The following SH3RF2 variants were observed in gnomAD, a reference collection of about 807,000 sequenced individuals.
SH3RF2 encodes E3 ubiquitin-protein ligase SH3RF2.
A neutral mutation model predicts 59.0 loss-of-function variants in SH3RF2; 43 were observed. The observed-to-expected ratio is 0.73, with a 90% CI of 0.57 to 0.94. SH3RF2 has a LOEUF of 0.94. SH3RF2 is among the 40% of genes least tolerant of loss of function. SH3RF2 has a pLI of 0.00. For synonymous variants in SH3RF2, 391 were observed against 391.5 expected (o/e 1.00, Z 0.01); for missense variants, 930 against 940.1 (o/e 0.99, Z 0.14).
In SH3RF2 at chr5:145,946,753, T is replaced by C. The variant is rs1251458388; in HGVS notation, c.378+8447T>C. On this transcript the variant is annotated intron_variant, in intron 2 of 9. Transcript: ENST00000359120. ...ACAAATTTCATGTGCTCTTTGATCT[T>C]GAGAGAAACACTTCATCTTAACTGA... Among the ~76,000 whole-genome samples the C allele has an allele frequency of 1.2e-4, 18 of 152,188 alleles. 1 individual carries two copies. Among genetic ancestry groups the C allele is most frequent in the Admixed American group, 1.0e-3 (16 of 15,276 alleles).
At chr5:146,080,776 A>G (rs1423187819) in exon 10 of SH3RF2, 4 of 152,304 alleles carry the variant, frequency 2.6e-5, no homozygotes, top group Admixed American at 1.3e-4. Context: ...TTTGTTCCAC[A>G]CTTTGTATCC....
At chr5:146,034,830 G>A (rs1056553406) in intron 5 of SH3RF2, among the ~76,000 whole-genome samples, 15 of 152,210 alleles carry the variant, frequency 9.9e-5, no homozygotes, top group African/African-American at 3.1e-4. Flanking sequence ...ACAGAGGCCA[G>A]GTGCAGTGGC....
At chr5:146,006,612 G>C (rs978549737) in intron 4 of SH3RF2, among the ~76,000 whole-genome samples, 3 of 152,086 alleles carry the variant, frequency 2.0e-5, no homozygotes, top group African/African-American at 2.4e-5. Flanking sequence ...GAAAAAGGAA[G>C]TACCAGAGCT....
intron 2 of SH3RF2, among the ~76,000 whole-genome samples, chr5:145,987,304 A>G (rs567907434): frequency 5.9e-5 from 9 of 152,268 alleles, no homozygotes; most frequent in African/African-American, 2.2e-4. Flanking sequence ...CCTGAGCAAT[A>G]TATACTGCAC....
At chr5:146,044,842 A>T (rs1443654347) in intron 5 of SH3RF2, among the ~76,000 whole-genome samples, 2 of 151,904 alleles carry the variant, frequency 1.3e-5, no homozygotes, top group Non-Finnish European at 2.9e-5. Context: ...ATCCTTTCCC[A>T]TTCCCTATTA....
At chr5:145,947,815 G>T (rs1167008852) in intron 2 of SH3RF2, among the ~76,000 whole-genome samples, 1 of 152,176 alleles carries the variant, frequency 6.6e-6, no homozygotes, top group African/African-American at 2.4e-5. Context: ...GGCTCCAAAA[G>T]TGAGAGAGAC....
At chr5:146,029,079 T>C (rs1429214326) in intron 5 of SH3RF2, among the ~76,000 whole-genome samples, 2 of 152,174 alleles carry the variant, frequency 1.3e-5, no homozygotes, top group African/African-American at 4.8e-5. Context: ...CAGGCCCACT[T>C]TCCATTCCCA....
At chr5:146,037,272 C>T (rs1761969945) in intron 5 of SH3RF2, among the ~76,000 whole-genome samples, 1 of 152,178 alleles carries the variant, frequency 6.6e-6, no homozygotes, top group South Asian at 2.1e-4. Flanking sequence ...GGGATTAAGT[C>T]TGAGCCTCCC....
intron 2 of SH3RF2, among the ~76,000 whole-genome samples, chr5:145,967,876 T>TCTCAAACTCCTGAC (rs1333465793): frequency 6.6e-6 from 1 of 152,118 alleles, no homozygotes; most frequent in African/African-American, 2.4e-5. Flanking sequence ...GCCAGGCTGG[T>TCTCAAACTCCTGAC]CTCAAACTCC....
intron 3 of SH3RF2, among the ~76,000 whole-genome samples, chr5:146,003,497 T>C (rs1215926555): frequency 6.6e-6 from 1 of 152,256 alleles, no homozygotes; most frequent in East Asian, 1.9e-4. Context: ...AAAAATGTGT[T>C]ATTCAAGCTG....
intron 2 of SH3RF2, among the ~76,000 whole-genome samples, chr5:145,984,511 T>C (rs1759627116): frequency 6.6e-6 from 1 of 152,254 alleles, no homozygotes; most frequent in Non-Finnish European, 1.5e-5. Flanking sequence ...CTCATATTCC[T>C]AAGGAAGACT....
At chr5:145,965,676 A>ATATT (rs1446776104) in intron 2 of SH3RF2, among the ~76,000 whole-genome samples, 3 of 152,178 alleles carry the variant, frequency 2.0e-5, no homozygotes, top group Non-Finnish European at 4.4e-5. Flanking sequence ...CTTTCAACAA[A>ATATT]TATTTATTTA....
chr5:145,942,794 C>T (rs1318343401), intron 2 of SH3RF2, among the ~76,000 whole-genome samples: 1 of 152,170 alleles, frequency 6.6e-6, no homozygotes, highest in African/African-American at 2.4e-5. Flanking sequence ...CCACATGGCC[C>T]CACACTGGCA....
rs75838016 is a variant in SH3RF2 at position 146,055,238 on chromosome 5, T to A, written c.1323-743T>A. Among the ~76,000 whole-genome samples, 85 of 152,348 alleles carry A rather than the reference T, an allele frequency of 5.6e-4. No individual in the cohort carries two copies. In the East Asian group the frequency reaches 0.015, roughly 27 times the overall value. ...TGCTCCAACTAGCCAGGAGGTGGTA[T>A]AGCTCACTGGTAAGAACAGAGAGCC... On this transcript the variant is annotated intron_variant, in intron 7 of 9. Coordinates refer to ENST00000359120, the MANE Select transcript of SH3RF2 (RefSeq NM_152550.4).
chr5:146,001,629 G>A (rs1259877379), intron 3 of SH3RF2, among the ~76,000 whole-genome samples: 1 of 152,196 alleles, frequency 6.6e-6, no homozygotes, highest in Admixed American at 6.5e-5. Context: ...ACATAAGGAA[G>A]TATCATCGTC....
At chr5:146,050,800 T>A (rs1045590616) in intron 7 of SH3RF2, among the ~76,000 whole-genome samples, 3 of 152,152 alleles carry the variant, frequency 2.0e-5, no homozygotes, top group Non-Finnish European at 2.9e-5. Flanking sequence ...AAAAGGAGGA[T>A]AGAATTTTTG....
At chr5:145,941,165 C>G (rs935697601) in intron 2 of SH3RF2, among the ~76,000 whole-genome samples, 3 of 152,164 alleles carry the variant, frequency 2.0e-5, no homozygotes, top group African/African-American at 7.2e-5. Context: ...AACTTTCTGT[C>G]CATGAGCTTT....
At chr5:145,954,868 CGA>C (rs144204728) in intron 2 of SH3RF2, among the ~76,000 whole-genome samples, 90 of 146,964 alleles carry the variant, frequency 6.1e-4, no homozygotes, top group Middle Eastern at 3.4e-3. Context: ...GAGCAAGGAG[CGA>C]GAGAGAGAGA....
At chr5:145,980,177 G>A (rs1226353399) in intron 2 of SH3RF2, among the ~76,000 whole-genome samples, 1 of 152,280 alleles carries the variant, frequency 6.6e-6, no homozygotes, top group East Asian at 1.9e-4. Context: ...CTGATGGGAG[G>A]ACCAGCTGTT....
Sources: gnomAD v4.1 joint callset for allele counts (sites outside exome capture counted in the v4.1 genomes callset) on GRCh38, gnomAD v4.1.1 for gene constraint, MANE v1.5 for transcripts, NCBI Gene and HGNC (gene_info 2026-07-23, HGNC 2026-07-21) for gene names.